The following PRKCA variants were observed in gnomAD, a reference collection of about 807,000 sequenced individuals.
PRKCA encodes protein kinase C alpha type.
In PRKCA, 27 loss-of-function variants were observed where a neutral mutation model predicts 87.0. The ratio of observed to expected loss-of-function variants is 0.31; its 90% CI spans 0.23 to 0.43. The LOEUF (loss-of-function observed/expected upper bound fraction) is 0.43, where lower values mean the gene tolerates loss of function less well. Among genes scored for constraint, PRKCA ranks in the 20% least tolerant of loss-of-function variants. PRKCA has a pLI of 1.00. For synonymous variants in PRKCA, 329 were observed against 311.1 expected (o/e 1.06, Z -0.61); for missense variants, 518 against 852.3 (o/e 0.61, Z 4.88).
intron 8 of PRKCA, among the ~76,000 whole-genome samples, chr17:66,701,965 T>C (rs1404691605): frequency 6.6e-6 from 1 of 152,160 alleles, no homozygotes; most frequent in Admixed American, 6.5e-5. Flanking sequence ...ATTCTGGGTA[T>C]ATATCCAAAG....
chr17:66,591,133 G>A (rs2143537853), intron 3 of PRKCA, among the ~76,000 whole-genome samples: 1 of 152,146 alleles, frequency 6.6e-6, no homozygotes, highest in East Asian at 1.9e-4. Context: ...TTTTATTATT[G>A]TTGTTGTTGT....
In PRKCA at chr17:66,657,081, T is replaced by C. The variant is rs112235319; in HGVS notation, c.529+11570T>C. 1.6e-3 allele frequency among the ~76,000 whole-genome samples: 241 copies of C among 152,310 alleles called. 1 individual carries two copies. The highest frequency in any genetic ancestry group is 5.7e-3 in the African/African-American group (235 of 41,570). ...GTTTCCAATTGGAAAGATTCAGATT[T>C]CCTGAGAAAATATGAGATAAGTTAG... On this transcript the variant is annotated intron_variant, in intron 5 of 16. Coordinates refer to ENST00000413366, the MANE Select transcript of PRKCA (RefSeq NM_002737.3).
chr17:66,798,413 ATGGTGGTGGTGG>A (rs1402216443), intron 16 of PRKCA, among the ~76,000 whole-genome samples: 1 of 51,766 alleles, frequency 1.9e-5, no homozygotes, highest in African/African-American at 8.7e-5. Flanking sequence ...GGTGATGGTG[ATGGTGGTGGTGG>A]TGGTGGTGAC....
intron 8 of PRKCA, among the ~76,000 whole-genome samples, chr17:66,708,709 C>T (rs1490526563): frequency 6.6e-6 from 1 of 152,138 alleles, no homozygotes; most frequent in African/African-American, 2.4e-5. Flanking sequence ...ATACAGAGTA[C>T]CCTATGCCTA....
At chr17:66,439,031 T>C (rs1913567150) in intron 2 of PRKCA, among the ~76,000 whole-genome samples, 2 of 152,132 alleles carry the variant, frequency 1.3e-5, no homozygotes, top group Admixed American at 1.3e-4. Context: ...TGGCCTGTCA[T>C]CATTATTGTC....
intron 3 of PRKCA, among the ~76,000 whole-genome samples, chr17:66,604,247 G>GA (rs11443411): frequency 0.13 from 18,963 of 148,250 alleles, 1,468 homozygotes; most frequent in African/African-American, 0.21. Context: ...ACATCTGCAA[G>GA]AAAAAAAAAA....
intron 13 of PRKCA, among the ~76,000 whole-genome samples, chr17:66,765,450 A>ATATATATGTG (rs1974788114): frequency 7.5e-6 from 1 of 133,970 alleles, no homozygotes; most frequent in Non-Finnish European, 1.6e-5. Flanking sequence ...ATATATATAT[A>ATATATATGTG]TATATCCATA....
At chr17:66,793,791 A>G (rs1975601698) in intron 16 of PRKCA, among the ~76,000 whole-genome samples, 1 of 152,196 alleles carries the variant, frequency 6.6e-6, no homozygotes, top group Non-Finnish European at 1.5e-5. Context: ...AGCTTGGCCC[A>G]GCAACCAGAA....
At chr17:66,711,761 T>C (rs1306267893) in intron 8 of PRKCA, among the ~76,000 whole-genome samples, 1 of 152,134 alleles carries the variant, frequency 6.6e-6, no homozygotes, top group East Asian at 1.9e-4. Flanking sequence ...GGAATCCACA[T>C]CTAATGCTCT....
intron 13 of PRKCA, among the ~76,000 whole-genome samples, chr17:66,749,711 C>A (rs1250579499): frequency 6.6e-6 from 1 of 152,164 alleles, no homozygotes; most frequent in Non-Finnish European, 1.5e-5. Context: ...ACGCTGCGCT[C>A]CTGGATGTGG....
chr17:66,318,243 TA>T (rs957958883), intron 2 of PRKCA, among the ~76,000 whole-genome samples: 1 of 152,220 alleles, frequency 6.6e-6, no homozygotes, highest in South Asian at 2.1e-4. Context: ...CTGTTTTAAT[TA>T]AAAAATGAGG....
intron 2 of PRKCA, among the ~76,000 whole-genome samples, chr17:66,482,539 C>A (rs145259918): frequency 6.6e-6 from 1 of 152,160 alleles, no homozygotes; most frequent in Admixed American, 6.5e-5. Context: ...TCACTGAGTA[C>A]GAGGTGAAGA....
chr17:66,659,429 G>T (rs1971830423), intron 5 of PRKCA, among the ~76,000 whole-genome samples: 1 of 152,148 alleles, frequency 6.6e-6, no homozygotes, highest in Admixed American at 6.5e-5. Flanking sequence ...GAAAGTCAAG[G>T]ATGTAGGCTG....
At chr17:66,384,778 G>A (rs1211503034) in intron 2 of PRKCA, among the ~76,000 whole-genome samples, 1 of 151,988 alleles carries the variant, frequency 6.6e-6, no homozygotes, top group African/African-American at 2.4e-5. Context: ...ACAGGTGCCC[G>A]TCACCACACC....
intron 14 of PRKCA, among the ~76,000 whole-genome samples, chr17:66,781,887 A>ATATATATAGTGTGT (rs767300220): frequency 4.0e-5 from 5 of 125,614 alleles, no homozygotes; most frequent in South Asian, 5.0e-4. Context: ...ATATATATAT[A>ATATATATAGTGTGT]GTGTGTGTGT....
At chr17:66,625,096 C>T (rs143234496) in intron 3 of PRKCA, among the ~76,000 whole-genome samples, 6 of 152,298 alleles carry the variant, frequency 3.9e-5, no homozygotes, top group South Asian at 4.1e-4. Context: ...TTTTATATCA[C>T]GAACTACTTT....
intron 13 of PRKCA, among the ~76,000 whole-genome samples, chr17:66,753,649 G>T (rs1974484956): frequency 6.6e-6 from 1 of 152,188 alleles, no homozygotes; most frequent in South Asian, 2.1e-4. Flanking sequence ...AATCTCCAGT[G>T]TGACTGTTCT....
chr17:66,520,179 T>C (rs1358572831), intron 3 of PRKCA, among the ~76,000 whole-genome samples: 5 of 148,626 alleles, frequency 3.4e-5, no homozygotes, highest in Non-Finnish European at 7.4e-5. Flanking sequence ...CAGGCTGGAG[T>C]GCAATAGTGT....
intron 2 of PRKCA, among the ~76,000 whole-genome samples, chr17:66,351,509 A>G (rs1249115596): frequency 1.3e-5 from 2 of 152,202 alleles, no homozygotes; most frequent in Non-Finnish European, 2.9e-5. Flanking sequence ...AGTGAGTACT[A>G]ATACCCTATA....
Sources: gnomAD v4.1 joint callset for allele counts (sites outside exome capture counted in the v4.1 genomes callset) on GRCh38, gnomAD v4.1.1 for gene constraint, MANE v1.5 for transcripts, NCBI Gene and HGNC (gene_info 2026-07-23, HGNC 2026-07-21) for gene names.